The following SMARCA2 variants were observed in gnomAD, a reference collection of about 807,000 sequenced individuals.
The protein encoded by SMARCA2 is SWI/SNF related BAF chromatin remodeling complex subunit ATPase 2.
Under a neutral mutation model 199.8 loss-of-function variants are expected in SMARCA2, and 61 were observed. The observed-to-expected ratio is 0.31, with a 90% CI of 0.25 to 0.38. The LOEUF is 0.38. Ranked by LOEUF, SMARCA2 falls within the 10% of genes least tolerant of loss-of-function variation. The pLI is 1.00. For missense variants in SMARCA2, 1,344 were observed against 2,012.2 expected, an observed-to-expected ratio of 0.67 and a Z score of 6.35; for synonymous variants, 935 against 732.0, an observed-to-expected ratio of 1.28 and a Z score of -4.48.
At chr9:2,167,421 C>T (rs1825987928) in intron 28 of SMARCA2, among the ~76,000 whole-genome samples, 1 of 152,230 alleles carries the variant, frequency 6.6e-6, no homozygotes, top group African/African-American at 2.4e-5. Flanking sequence ...ACAGGAAGAC[C>T]AGCCCTGCTG....
At chr9:2,085,165 G>A (rs1821746668) in intron 17 of SMARCA2, among the ~76,000 whole-genome samples, 1 of 152,174 alleles carries the variant, frequency 6.6e-6, no homozygotes, top group Admixed American at 6.5e-5. Context: ...TAATTGAGAT[G>A]GCACTGGCAA....
intron 27 of SMARCA2, among the ~76,000 whole-genome samples, chr9:2,155,146 G>C (rs537314161): frequency 1.3e-5 from 2 of 152,280 alleles, no homozygotes; most frequent in South Asian, 2.1e-4. Flanking sequence ...AGGGCCAGAC[G>C]TTTTGTGGGC....
At chr9:2,047,851 G>A (rs1819941206) in intron 5 of SMARCA2, 1 of 157,068 alleles carries the variant, frequency 6.4e-6, no homozygotes. Context: ...GCATCCTTCG[G>A]TAGCTTGGTA....
intron 6 of SMARCA2, 96 bp downstream of exon 6, chr9:2,054,819 T>A: frequency 8.0e-7 from 1 of 1,252,598 alleles, no homozygotes; most frequent in Non-Finnish European, 1.1e-6. Flanking sequence ...TCAATATTGT[T>A]ACAAAGATAT....
At chr9:2,181,706 T>G in intron 30 of SMARCA2, 30 bp downstream of exon 30, 6 of 1,115,244 alleles carry the variant, frequency 5.4e-6, no homozygotes, top group Non-Finnish European at 8.2e-6. Context: ...ACTTTATTCT[T>G]CAAGTAAATA....
intron 14 of SMARCA2, among the ~76,000 whole-genome samples, chr9:2,078,721 G>A (rs910698048): frequency 3.3e-5 from 5 of 152,014 alleles, no homozygotes; most frequent in African/African-American, 1.2e-4. Context: ...GATGTGGGCC[G>A]ATCACAAGGT....
intron 9 of SMARCA2, among the ~76,000 whole-genome samples, chr9:2,067,608 T>C (rs1011801083): frequency 2.6e-5 from 4 of 152,324 alleles, no homozygotes; most frequent in African/African-American, 7.2e-5. Context: ...TTTGTTACCG[T>C]TCCTATTTTA....
intron 26 of SMARCA2, among the ~76,000 whole-genome samples, chr9:2,122,878 G>A (rs766961970): frequency 2.0e-5 from 3 of 152,094 alleles, no homozygotes; most frequent in Non-Finnish European, 4.4e-5. Context: ...AAAATCCATC[G>A]TATTGTTTAG....
intron 19 of SMARCA2, among the ~76,000 whole-genome samples, chr9:2,096,025 G>A (rs757628224): frequency 2.0e-5 from 3 of 152,184 alleles, no homozygotes; most frequent in Non-Finnish European, 2.9e-5. Context: ...ATTTCAACTG[G>A]AAGCACAGGA....
At chr9:2,144,809 C>G (rs1253618984) in intron 27 of SMARCA2, among the ~76,000 whole-genome samples, 1 of 151,736 alleles carries the variant, frequency 6.6e-6, no homozygotes, top group Non-Finnish European at 1.5e-5. Flanking sequence ...CTGATCACAA[C>G]TCATCTCACC....
chr9:2,122,860 A>T (rs1050311858), intron 26 of SMARCA2, among the ~76,000 whole-genome samples: 1 of 152,200 alleles, frequency 6.6e-6, no homozygotes, highest in African/African-American at 2.4e-5. Context: ...GTGGCAGTTT[A>T]TTTTTTAAAA....
At chr9:2,184,185 C>T (rs1827259678) in intron 31 of SMARCA2, among the ~76,000 whole-genome samples, 1 of 152,122 alleles carries the variant, frequency 6.6e-6, no homozygotes, top group Non-Finnish European at 1.5e-5. Context: ...CTAAACAGCC[C>T]ATAGTCCATT....
At chr9:2,111,940 T>G (rs1310244627) in intron 24 of SMARCA2, among the ~76,000 whole-genome samples, 2 of 152,148 alleles carry the variant, frequency 1.3e-5, no homozygotes. Flanking sequence ...ACTATTAAAA[T>G]TTTCTGATCT....
intron 27 of SMARCA2, among the ~76,000 whole-genome samples, chr9:2,157,449 C>T (rs1232732636): frequency 2.6e-5 from 4 of 152,152 alleles, no homozygotes; most frequent in Non-Finnish European, 5.9e-5. Context: ...GGGTCCTCTT[C>T]TGGAATCCAA....
intron 21 of SMARCA2, among the ~76,000 whole-genome samples, chr9:2,101,020 T>C (rs900533411): frequency 6.6e-6 from 1 of 152,112 alleles, no homozygotes; most frequent in Non-Finnish European, 1.5e-5. Flanking sequence ...GTGAGACTTA[T>C]TCACAACCAT....
intron 30 of SMARCA2, 148 bp downstream of exon 30, chr9:2,181,824 T>A: frequency 1.6e-6 from 1 of 622,100 alleles, no homozygotes; most frequent in Admixed American, 2.9e-5. Context: ...TGCTTTTCCG[T>A]GAGTGTTACT....
At chr9:2,189,963 A>G (rs1228155636) in intron 32 of SMARCA2, among the ~76,000 whole-genome samples, 2 of 152,208 alleles carry the variant, frequency 1.3e-5, no homozygotes, top group South Asian at 2.1e-4. Flanking sequence ...ATCTATTTCT[A>G]GATGCCTTGA....
intron 19 of SMARCA2, among the ~76,000 whole-genome samples, chr9:2,092,338 T>C (rs770349147): frequency 2.0e-5 from 3 of 152,208 alleles, no homozygotes; most frequent in Non-Finnish European, 2.9e-5. Flanking sequence ...TTTGCTTACA[T>C]TGGCAATTTG....
At chr9:2,126,743 T>TTGAATGGAACAGCTTCCCA (rs1231193196) in intron 27 of SMARCA2, among the ~76,000 whole-genome samples, 1 of 152,236 alleles carries the variant, frequency 6.6e-6, no homozygotes, top group African/African-American at 2.4e-5. Flanking sequence ...TGCAAGGCAG[T>TTGAATGGAACAGCTTCCCA]TGAATGGAAC....
Sources: allele counts gnomAD v4.1 joint callset (sites outside exome capture counted in the v4.1 genomes callset), GRCh38; gene constraint gnomAD v4.1.1; transcripts MANE v1.5; gene names NCBI Gene and HGNC (gene_info 2026-07-23, HGNC 2026-07-21).